The following RARB variants were observed in gnomAD, a reference collection of about 807,000 sequenced individuals.
The protein encoded by RARB is HBV-activated protein.
RARB carries 17 observed loss-of-function variants against 51.9 expected under a neutral mutation model. The ratio of observed to expected loss-of-function variants is 0.33; its 90% confidence interval spans 0.22 to 0.49. The LOEUF is 0.49. Ranked by LOEUF, RARB falls within the 20% of genes least tolerant of loss-of-function variation. RARB has a pLI of 0.99. For missense variants in RARB, 369 were observed against 550.8 expected (o/e 0.67, Z 3.30); for synonymous variants, 215 against 195.4 (o/e 1.10, Z -0.84).
rs539917160 is a variant in RARB at position 25,214,963 on chromosome 3, T to C, written c.178+40388T>C. 3.4e-4 allele frequency among the ~76,000 whole-genome samples: 52 copies of C among 152,200 alleles called. 1 individual carries two copies. Among genetic ancestry groups the C allele is most frequent in the Admixed American group, 2.1e-3 (32 of 15,292 alleles). On this transcript the variant is annotated intron_variant, in intron 5 of 11. Transcript: ENST00000383772. ...ATGTGAACCATACACAATAGCAACA[T>C]GAATGACTAGGGAAGGAAAGAATGG...
chr3:25,491,249 C>A (rs1696720103), intron 2 of RARB, among the ~76,000 whole-genome samples: 1 of 152,110 alleles, frequency 6.6e-6, no homozygotes, highest in African/African-American at 2.4e-5. Context: ...TCTTTGTGTT[C>A]TTTTGGCTTC....
intron 5 of RARB, among the ~76,000 whole-genome samples, chr3:25,394,735 T>C (rs1282607025): frequency 6.6e-6 from 1 of 152,194 alleles, no homozygotes; most frequent in Admixed American, 6.5e-5. Context: ...CTTGTTTTGG[T>C]GTCCATTTGC....
At chr3:25,504,413 T>C (rs1697467627) in intron 3 of RARB, among the ~76,000 whole-genome samples, 1 of 152,196 alleles carries the variant, frequency 6.6e-6, no homozygotes, top group Non-Finnish European at 1.5e-5. Flanking sequence ...TGTGCCCTTC[T>C]GTGAACGCAT....
intron 2 of RARB, among the ~76,000 whole-genome samples, chr3:24,868,999 A>G (rs181037841): frequency 6.6e-4 from 100 of 152,270 alleles, no homozygotes; most frequent in Non-Finnish European, 1.3e-3. Context: ...GGCCATGTCA[A>G]AGGCCTTTGG....
chr3:25,347,637 C>T (rs115060861), intron 5 of RARB, among the ~76,000 whole-genome samples: 3,093 of 152,270 alleles, frequency 0.02, 69 homozygotes, highest in African/African-American at 0.055. Flanking sequence ...TATCATGGTA[C>T]CAGAAACTTC....
chr3:25,237,498 A>G (rs1460709400), intron 5 of RARB, among the ~76,000 whole-genome samples: 1 of 152,106 alleles, frequency 6.6e-6, no homozygotes, highest in Non-Finnish European at 1.5e-5. Flanking sequence ...TGAGCAGATA[A>G]TATTTGTTTT....
intron 5 of RARB, among the ~76,000 whole-genome samples, chr3:25,260,551 G>A (rs1256019429): frequency 1.3e-5 from 2 of 152,014 alleles, no homozygotes; most frequent in Admixed American, 6.6e-5. Flanking sequence ...CATATCCAAG[G>A]AGTAGAAACA....
intron 5 of RARB, among the ~76,000 whole-genome samples, chr3:25,301,066 G>A (rs1471560726): frequency 6.6e-6 from 1 of 152,210 alleles, no homozygotes; most frequent in Non-Finnish European, 1.5e-5. Flanking sequence ...TTGTTGGGAT[G>A]TAACCTCATT....
At chr3:24,961,647 G>C (rs1392589435) in intron 2 of RARB, among the ~76,000 whole-genome samples, 1 of 152,178 alleles carries the variant, frequency 6.6e-6, no homozygotes, top group African/African-American at 2.4e-5. Flanking sequence ...ATGGAGTTCT[G>C]ACGGTCCAGT....
chr3:24,972,828 T>TGC (rs1696430293), intron 2 of RARB, among the ~76,000 whole-genome samples: 1 of 152,048 alleles, frequency 6.6e-6, no homozygotes, highest in South Asian at 2.1e-4. Context: ...TGTCTATTTT[T>TGC]AAATCAAGTT....
rs543293077 is a variant in RARB, at chr3:25,005,718, G to A, written c.-379-54407G>A. Among the ~76,000 whole-genome samples the A allele has an allele frequency of 6.8e-4, 104 of 152,180 alleles. 1 individual carries two copies. Among genetic ancestry groups the A allele is most frequent in the African/African-American group, 2.3e-3 (96 of 41,550 alleles). On this transcript the variant is annotated intron_variant, in intron 2 of 11. Transcript: ENST00000383772. ...ACACAAGAGTATGACTACTCGAAGC[G>A]GAAATCAATGAAAGCTATCTTCGAG... is the stretch of plus-strand genomic sequence containing the variant.
chr3:25,258,018 A>T (rs943994960), intron 5 of RARB, among the ~76,000 whole-genome samples: 1 of 152,104 alleles, frequency 6.6e-6, no homozygotes, highest in African/African-American at 2.4e-5. Context: ...ATTTGTGTAC[A>T]TCTCCCTTAT....
intron 2 of RARB, among the ~76,000 whole-genome samples, chr3:24,969,284 C>CA (rs372158100): frequency 1.3e-5 from 2 of 152,110 alleles, no homozygotes; most frequent in African/African-American, 4.8e-5. Flanking sequence ...TGAAAACCAG[C>CA]AAAAAGCTAA....
rs1559431424 is a variant in RARB, at chr3:25,007,605, C to CAACAACAAA, written c.-379-52518_-379-52517insCAACAAAAA. Among the ~76,000 whole-genome samples the CAACAACAAA allele has an allele frequency of 6.6e-5, 4 of 60,640 alleles. 1 individual carries two copies. The highest frequency in any genetic ancestry group is 2.3e-4 in the African/African-American group (4 of 17,280). The allele number at this position is 60,640 out of a possible 152,430, so 39.8% of individuals were successfully genotyped here. ...GTGAGACTGTCTCAAAAAAAAAAAA[C>CAACAACAAA]AAAAAAACCTCATATTTTCTGAAAG... On this transcript the variant is annotated intron_variant, in intron 2 of 11. Coordinates refer to the RARB transcript ENST00000383772.
At chr3:25,275,771 T>A (rs1435667906) in intron 5 of RARB, among the ~76,000 whole-genome samples, 3 of 116,352 alleles carry the variant, frequency 2.6e-5, no homozygotes, top group African/African-American at 9.7e-5. Flanking sequence ...ACCGGGCTTG[T>A]CGTGGGGTGG....
At chr3:25,240,965 T>C (rs1156741950) in intron 5 of RARB, among the ~76,000 whole-genome samples, 4 of 152,178 alleles carry the variant, frequency 2.6e-5, no homozygotes, top group African/African-American at 9.6e-5. Flanking sequence ...CCTAGGCTTT[T>C]CTTTATTGAG....
intron 5 of RARB, among the ~76,000 whole-genome samples, chr3:25,337,540 G>A (rs147125533): frequency 5.3e-5 from 8 of 152,116 alleles, no homozygotes; most frequent in East Asian, 1.9e-4. Context: ...GAAATGCATC[G>A]ACATCATTCC....
intron 2 of RARB, among the ~76,000 whole-genome samples, chr3:25,495,136 C>T (rs1575458816): frequency 6.6e-6 from 1 of 152,276 alleles, no homozygotes; most frequent in East Asian, 1.9e-4. Flanking sequence ...AAATCACCCC[C>T]TGTGGAAGAT....
intron 4 of RARB, among the ~76,000 whole-genome samples, chr3:25,577,546 T>G (rs1395281823): frequency 1.3e-5 from 2 of 152,146 alleles, no homozygotes; most frequent in African/African-American, 2.4e-5. Context: ...CCACAGAATT[T>G]TAATTCTTTA....
Sources: gnomAD v4.1 joint callset for allele counts (sites outside exome capture counted in the v4.1 genomes callset) on GRCh38, gnomAD v4.1.1 for gene constraint, MANE v1.5 for transcripts, NCBI Gene and HGNC (gene_info 2026-07-23, HGNC 2026-07-21) for gene names.